FGF12: variants seen among roughly 807,000 people sequenced by gnomAD.
FGF12 encodes the protein fibroblast growth factor 12B.
Under a neutral mutation model 23.6 loss-of-function variants are expected in FGF12, and 14 were observed. The ratio of observed to expected loss-of-function variants is 0.59; its 90% CI spans 0.39 to 0.93. FGF12 has a LOEUF of 0.93. Ranked by LOEUF, FGF12 falls within the 40% of genes least tolerant of loss-of-function variation. The probability of loss-of-function intolerance (pLI) is 0.00; values close to 1 mark genes in which losing one functional copy is unlikely to be tolerated. For missense variants in FGF12, 175 were observed against 217.8 expected (o/e 0.80, Z 1.24); for synonymous variants, 62 against 77.3 (o/e 0.80, Z 1.04).
At chr3:192,369,052 A>G (rs751618083) in intron 2 of FGF12, among the ~76,000 whole-genome samples, 29 of 152,166 alleles carry the variant, frequency 1.9e-4, no homozygotes, top group Non-Finnish European at 3.7e-4. Flanking sequence ...AGAGCTGTGC[A>G]CTATTTTAGA....
intron 2 of FGF12, among the ~76,000 whole-genome samples, chr3:192,497,763 C>G (rs1724006437): frequency 6.6e-6 from 1 of 152,196 alleles, no homozygotes; most frequent in African/African-American, 2.4e-5. Context: ...GAAAACTGCT[C>G]TATCCAAAGA....
intron 2 of FGF12, among the ~76,000 whole-genome samples, chr3:192,713,423 T>A (rs1718758803): frequency 6.6e-6 from 1 of 152,188 alleles, no homozygotes; most frequent in Non-Finnish European, 1.5e-5. Context: ...CACAATATAC[T>A]TTGTATAACT....
chr3:192,672,315 AT>A lies in FGF12; in HGVS notation c.13+54865del, dbSNP rs1329364759. On this transcript the variant is annotated intron_variant, in intron 2 of 5. Coordinates refer to ENST00000445105, the MANE Select transcript of FGF12 (RefSeq NM_004113.6). ...TTAAAAATAAGATTTTCCTGTTGTCATAAATAAATAAAGAAATCACTAAGTT... is the reference window on the plus strand; with the variant it reads ...TTAAAAATAAGATTTTCCTGTTGTCAAAATAAATAAAGAAATCACTAAGTT... Among the ~76,000 whole-genome samples the A allele has an allele frequency of 1.3e-5, 2 of 151,192 alleles. 1 individual carries two copies. The highest frequency in any genetic ancestry group is 3.0e-5 in the Non-Finnish European group (2 of 67,552).
At chr3:192,671,023 T>C (rs1717094394) in intron 2 of FGF12, among the ~76,000 whole-genome samples, 1 of 152,210 alleles carries the variant, frequency 6.6e-6, no homozygotes, top group Admixed American at 6.5e-5. Context: ...TAGATCTATC[T>C]TATTTGTCAG....
Position 192,142,777 on chromosome 3 carries a change from T to C in FGF12, c.*1232A>G, listed in dbSNP as rs1437712016. On this transcript the variant is annotated 3_prime_UTR_variant, in exon 6 of 6. Coordinates refer to ENST00000445105, the MANE Select transcript of FGF12 (RefSeq NM_004113.6). The stretch of plus-strand genomic sequence containing the variant: ...GTGTATTACTGGTACCCTTCTGTGT[T>C]CTAGGAAACAAATGAATTGCAAACT... 6.6e-6 allele frequency: 1 copy of C among 152,072 alleles called. No individual in the cohort carries two copies. The highest frequency in any genetic ancestry group is 1.5e-5 in the Non-Finnish European group (1 of 67,964). 9.4% of individuals were successfully genotyped at this position (152,072 alleles called of 1,614,324 possible).
intron 2 of FGF12, among the ~76,000 whole-genome samples, chr3:192,712,942 A>C (rs191824193): frequency 4.6e-5 from 7 of 152,168 alleles, no homozygotes; most frequent in Non-Finnish European, 1.0e-4. Context: ...TTACTTCACG[A>C]TGAAATTGAT....
intron 2 of FGF12, among the ~76,000 whole-genome samples, chr3:192,633,524 T>A (rs1715469411): frequency 6.6e-6 from 1 of 152,156 alleles, no homozygotes. Context: ...ATCACACAAG[T>A]AATAGGATGT....
chr3:192,651,452 G>A lies in FGF12; in HGVS notation c.13+75729C>T, dbSNP rs577685528. ...GAGGGAGGTTAAGTGATATTTACTG[G>A]TATATGGCAAATAAGAGGCCTGCTT... On this transcript the variant is annotated intron_variant, in intron 2 of 5. Transcript: ENST00000445105. Among the ~76,000 whole-genome samples, 5 of 152,124 alleles carry A rather than the reference G, an allele frequency of 3.3e-5. No homozygotes were observed. In the South Asian group the frequency reaches 1.0e-3, roughly 32 times the overall value.
intron 2 of FGF12, among the ~76,000 whole-genome samples, chr3:192,425,622 T>C (rs568877443): frequency 2.0e-5 from 3 of 152,190 alleles, no homozygotes; most frequent in Non-Finnish European, 2.9e-5. Context: ...TACCAGCTTA[T>C]TGGGTCAAGA....
chr3:192,285,858 G>A lies in FGF12; in HGVS notation c.228+49503C>T, dbSNP rs556515726. ...AATAACCAAAGATAATTGAGTGAAC[G>A]AATAGTGTGCTCCTTAACTATGACA... On this transcript the variant is annotated intron_variant, in intron 4 of 5. Transcript: ENST00000445105. Among the ~76,000 whole-genome samples, 33 of 152,076 alleles carry A rather than the reference G, an allele frequency of 2.2e-4. 1 individual carries two copies. In the South Asian group the frequency reaches 6.4e-3, roughly 30 times the overall value.
chr3:192,320,025 G>A (rs1320308233), intron 4 of FGF12, among the ~76,000 whole-genome samples: 2 of 152,076 alleles, frequency 1.3e-5, no homozygotes, highest in Non-Finnish European at 2.9e-5. Context: ...GAATGTAAAT[G>A]AAATAACTAT....
chr3:192,366,202 G>C (rs1057011361), intron 2 of FGF12, among the ~76,000 whole-genome samples: 1 of 152,094 alleles, frequency 6.6e-6, no homozygotes, highest in Non-Finnish European at 1.5e-5. Flanking sequence ...ATAAGGAGGG[G>C]AGAGTATCTA....
rs187596690 is a variant in FGF12 at position 192,641,396 on chromosome 3, C to T, written c.13+85785G>A. Among the ~76,000 whole-genome samples the T allele has an allele frequency of 1.9e-4, 7 of 37,380 alleles. 1 individual carries two copies. The highest frequency in any genetic ancestry group is 4.3e-4 in the African/African-American group (5 of 11,534). 24.5% of individuals were successfully genotyped at this position (37,380 alleles called of 152,430 possible). On this transcript the variant is annotated intron_variant, in intron 2 of 5. Coordinates refer to ENST00000445105, the MANE Select transcript of FGF12 (RefSeq NM_004113.6). ...CTGGGATTACAGGCGTGAGCCACCG[C>T]GCCCGGCCTTTTTTTTTTTTTTTTT...
At chr3:192,182,958 T>A (rs1415240208) in intron 4 of FGF12, among the ~76,000 whole-genome samples, 1 of 152,230 alleles carries the variant, frequency 6.6e-6, no homozygotes. Flanking sequence ...AATTTGTTTG[T>A]GTTACTTGTT....
chr3:192,329,336 A>G (rs1716990631), intron 4 of FGF12, among the ~76,000 whole-genome samples: 1 of 152,208 alleles, frequency 6.6e-6, no homozygotes, highest in South Asian at 2.1e-4. Context: ...AAAAAGGCAA[A>G]TATAACAGTA....
chr3:192,377,232 G>A (rs890312286), intron 2 of FGF12, among the ~76,000 whole-genome samples: 1 of 152,162 alleles, frequency 6.6e-6, no homozygotes, highest in Non-Finnish European at 1.5e-5. Flanking sequence ...GCCCCTGCCT[G>A]CCTCACACGG....
At chr3:192,185,746 G>A (rs1225272371) in intron 4 of FGF12, among the ~76,000 whole-genome samples, 4 of 151,850 alleles carry the variant, frequency 2.6e-5, no homozygotes. Context: ...TGTAATCCCA[G>A]CTACTCGGGA....
intron 2 of FGF12, among the ~76,000 whole-genome samples, chr3:192,722,970 G>T (rs576523208): frequency 2.0e-5 from 3 of 152,102 alleles, no homozygotes; most frequent in African/African-American, 4.8e-5. Context: ...TGTAAGAAAC[G>T]CAGTATGTGA....
chr3:192,536,130 C>A (rs73887612), intron 2 of FGF12, among the ~76,000 whole-genome samples: 5,884 of 152,216 alleles, frequency 0.039, 391 homozygotes, highest in African/African-American at 0.13. Flanking sequence ...ACCCACACAC[C>A]AAATCCAGCA....
Sources: gnomAD v4.1 joint callset for allele counts (sites outside exome capture counted in the v4.1 genomes callset) on GRCh38, gnomAD v4.1.1 for gene constraint, MANE v1.5 for transcripts, NCBI Gene and HGNC (gene_info 2026-07-23, HGNC 2026-07-21) for gene names.